Variants in CDHR1 observed in about 807,000 individuals in gnomAD.
CDHR1 encodes the protein cadherin related family member 1, also known as cadherin-related family member 1.
Under a neutral mutation model 72.1 loss-of-function variants are expected in CDHR1, and 61 were observed. The ratio of observed to expected loss-of-function variants is 0.85; its 90% CI spans 0.69 to 1.05. The LOEUF (loss-of-function observed/expected upper bound fraction) is 1.05, where lower values mean the gene tolerates loss of function less well. Among genes scored for constraint, CDHR1 ranks in the 50% least tolerant of loss-of-function variants. CDHR1 has a pLI of 0.00. For missense variants in CDHR1, 1,186 were observed against 1,115.7 expected (o/e 1.06, Z -0.90); for synonymous variants, 470 against 448.1 (o/e 1.05, Z -0.62).
chr10:84,212,695 C>T (rs372363703), intron 15 of CDHR1, among the ~76,000 whole-genome samples: 5 of 152,272 alleles, frequency 3.3e-5, no homozygotes, highest in East Asian at 3.9e-4. Context: ...GTTTTCTCAC[C>T]GCACTTTGTC....
At chr10:84,202,792 G>A (rs1209052995) in intron 7 of CDHR1, among the ~76,000 whole-genome samples, 188 bp from the exon 8 acceptor site, 2 of 152,230 alleles carry the variant, frequency 1.3e-5, no homozygotes, top group African/African-American at 4.8e-5. Flanking sequence ...AGGAATGGTG[G>A]CACTTTAACA....
At chr10:84,201,090 C>T (rs1842116628) in intron 6 of CDHR1, among the ~76,000 whole-genome samples, 2 of 152,236 alleles carry the variant, frequency 1.3e-5, no homozygotes, top group South Asian at 4.1e-4. Context: ...GTCCCCTGGA[C>T]TGCACGGGTG....
In CDHR1 at chr10:84,203,268, C is replaced by T. The variant is rs7086487; in HGVS notation, c.783+145C>T. On this transcript the variant is annotated intron_variant, in intron 8 of 16. Coordinates refer to ENST00000623527, the MANE Select transcript of CDHR1 (RefSeq NM_033100.4). ...GAGGCCAGCTCTGGACTCACCCAGCCTCAGGCCATGAACTGGCCCTTTTGC... is the reference window on the plus strand; with the variant it reads ...GAGGCCAGCTCTGGACTCACCCAGCTTCAGGCCATGAACTGGCCCTTTTGC... 6.5e-3 allele frequency: 6,824 copies of T among 1,056,714 alleles called. 275 individuals are homozygous for T. The African/African-American group carries it at 0.088, about 14-fold the overall frequency. 65.5% of individuals were successfully genotyped at this position (1,056,714 alleles called of 1,614,324 possible).
At chr10:84,206,047 T>C (rs987496041) in intron 10 of CDHR1, 120 bp downstream of exon 10, 3 of 755,762 alleles carry the variant, frequency 4.0e-6, no homozygotes, top group Admixed American at 2.0e-5. Context: ...TAGATGTTGT[T>C]CTAAAGAGCA....
At chr10:84,202,417 A>C (rs1842144142) in intron 7 of CDHR1, among the ~76,000 whole-genome samples, 1 of 152,182 alleles carries the variant, frequency 6.6e-6, no homozygotes, top group South Asian at 2.1e-4. Context: ...CCCCACAAAG[A>C]GCGCAAAACC....
intron 7 of CDHR1, among the ~76,000 whole-genome samples, chr10:84,202,673 G>A (rs1842148786): frequency 6.6e-6 from 1 of 152,204 alleles, no homozygotes; most frequent in Non-Finnish European, 1.5e-5. Context: ...CTCAGGAGGT[G>A]CTTGAGGCTT....
intron 4 of CDHR1, 130 bp from the exon 5 acceptor site, chr10:84,198,902 A>AAGAG (rs59594596): frequency 0.011 from 7,479 of 695,894 alleles, 235 homozygotes; most frequent in African/African-American, 0.1. Context: ...TAAAAGAAGG[A>AAGAG]AGAGAGAGAG....
At chr10:84,199,005 G>T in intron 4 of CDHR1, 27 bp from the exon 5 acceptor site, 1 of 1,538,468 alleles carries the variant, frequency 6.5e-7, no homozygotes, top group Non-Finnish European at 8.8e-7. Context: ...CATTGCACTG[G>T]CTCTTGACCC....
chr10:84,200,512 G>A (rs112198082), intron 5 of CDHR1, 89 bp from the exon 6 acceptor site: 79 of 841,956 alleles, frequency 9.4e-5, no homozygotes, highest in South Asian at 6.1e-4. Flanking sequence ...TTCACTCCCC[G>A]ACCCCACTGC....
intron 2 of CDHR1, among the ~76,000 whole-genome samples, chr10:84,195,852 CT>C (rs1305925831): frequency 6.6e-6 from 1 of 152,224 alleles, no homozygotes; most frequent in Admixed American, 6.5e-5. Flanking sequence ...CCCCTTATGG[CT>C]GTGTGACCTT....
intron 8 of CDHR1, 34 bp downstream of exon 8, chr10:84,203,157 C>T: frequency 6.2e-7 from 1 of 1,613,674 alleles, no homozygotes; most frequent in African/African-American, 1.3e-5. Flanking sequence ...AGCGATCCCT[C>T]CAAATGCCTC....
At chr10:84,199,939 G>A (rs11200919) in intron 5 of CDHR1, among the ~76,000 whole-genome samples, 26,350 of 152,150 alleles carry the variant, frequency 0.17, 2,330 homozygotes, top group Admixed American at 0.21. Context: ...TTGGGAGGCC[G>A]AGATGGACAG....
At chr10:84,211,202 G>A (rs1842325218) in intron 13 of CDHR1, 37 bp downstream of exon 13, 20 of 1,609,452 alleles carry the variant, frequency 1.2e-5, no homozygotes, top group Non-Finnish European at 1.6e-5. Flanking sequence ...GGGTGGGATA[G>A]GAGGCCTTGT....
chr10:84,200,733 GACACCTAGATGGCCCCTACCT>G, intron 6 of CDHR1, 46 bp downstream of exon 6: 1 of 1,428,328 alleles, frequency 7.0e-7, no homozygotes, highest in Non-Finnish European at 9.7e-7. Context: ...GGCCGGAGGG[GACACCTAGATGGCCCCTACCT>G]CCATCGCCCC....
chr10:84,200,639 A>T lies in CDHR1; in HGVS notation c.477A>T (p.Ala159=), dbSNP rs4933975. The T allele has an allele frequency of 6.2e-7, 1 of 1,611,382 alleles. No homozygotes were observed. ...GGAGCATCATCTTTAAGGTCCATGCAGTGGACAGGGACACAGGCTCTGGAG... is the reference window on the plus strand; with the variant it reads ...GGAGCATCATCTTTAAGGTCCATGCTGTGGACAGGGACACAGGCTCTGGAG... ...PAGSIIFKVH[A]VDRDTGSGGS... is the part of the protein sequence containing the mutation. Residue 159 remains alanine (A), a synonymous_variant, in exon 6 of 17, where the codon GCA becomes GCT. Coordinates refer to ENST00000623527, the MANE Select transcript of CDHR1 (RefSeq NM_033100.4).
chr10:84,209,999 C>T (rs1026001960), intron 12 of CDHR1, among the ~76,000 whole-genome samples: 1 of 152,166 alleles, frequency 6.6e-6, no homozygotes, highest in Admixed American at 6.5e-5. Flanking sequence ...GGGGACAGAT[C>T]GCTTGAGCCC....
intron 6 of CDHR1, 75 bp downstream of exon 6, chr10:84,200,762 C>T (rs1030773353): frequency 1.9e-6 from 2 of 1,028,310 alleles, no homozygotes; most frequent in Non-Finnish European, 3.0e-6. Flanking sequence ...CCTCCATCGC[C>T]CCAGGCCCTT....
In CDHR1 at chr10:84,214,707, T is replaced by A; in HGVS notation, c.*86T>A. The A allele has an allele frequency of 6.3e-7, 1 of 1,587,794 alleles. No individual in the cohort carries two copies. Among genetic ancestry groups the A allele is most frequent in the Non-Finnish European group, 8.5e-7 (1 of 1,174,960 alleles). On this transcript the variant is annotated 3_prime_UTR_variant, in exon 17 of 17. Transcript: ENST00000623527. ...GACTATGCTCCCCTTCCTCTGCTCC[T>A]TAAGGTCACTGACCCCTGTTTTGCA...
rs2132834166 is a variant in CDHR1, at chr10:84,213,205, A to T, written c.1897A>T (p.Asn633Tyr). Residue 633 changes from asparagine (N) to tyrosine (Y), a missense_variant, in exon 16 of 17, where the codon AAT (asparagine) becomes TAT (tyrosine). Physicochemically the swap from Asn to Tyr is moderately radical, Grantham distance 143 (BLOSUM62 -2). Transcript: ENST00000623527. ...CCACACGGGGGAGATCTGGCTCAAG[A>T]ATTCCATCCGCTCCCTGGATGCCCT... is the stretch of plus-strand genomic sequence containing the variant. ...NSHTGEIWLK[N>Y]SIRSLDALHN... The T allele has an allele frequency of 6.2e-7, 1 of 1,614,220 alleles. No homozygotes were observed. The highest frequency in any genetic ancestry group is 2.2e-5 in the East Asian group (1 of 44,888).
Sources: gnomAD v4.1 joint callset for allele counts (sites outside exome capture counted in the v4.1 genomes callset) on GRCh38, gnomAD v4.1.1 for gene constraint, MANE v1.5 for transcripts, NCBI Gene and HGNC (gene_info 2026-07-23, HGNC 2026-07-21) for gene names.